The following CFAP299 variants were observed in gnomAD, a reference collection of about 807,000 sequenced individuals.
CFAP299 encodes cilia- and flagella-associated protein 299.
Under a neutral mutation model 27.0 loss-of-function variants are expected in CFAP299, and 21 were observed. That is an observed-to-expected ratio of 0.78 (90% confidence interval 0.55 to 1.12). The LOEUF (loss-of-function observed/expected upper bound fraction) is 1.12. Among genes scored for constraint, CFAP299 ranks in the 50% most tolerant of loss-of-function variants. The pLI is 0.00. For missense variants in CFAP299, 310 were observed against 276.6 expected (o/e 1.12, Z -0.86); for synonymous variants, 104 against 98.1 (o/e 1.06, Z -0.36).
At chr4:80,722,631 T>C (rs938895494) in intron 3 of CFAP299, among the ~76,000 whole-genome samples, 1 of 152,144 alleles carries the variant, frequency 6.6e-6, no homozygotes, top group Non-Finnish European at 1.5e-5. Context: ...CCGGGCGCTG[T>C]GGCTCACGCC....
chr4:80,840,759 A>G (rs1441999770), intron 3 of CFAP299, among the ~76,000 whole-genome samples: 1 of 152,180 alleles, frequency 6.6e-6, no homozygotes, highest in African/African-American at 2.4e-5. Context: ...TATTAAGCAC[A>G]TAAGTTATTC....
intron 2 of CFAP299, among the ~76,000 whole-genome samples, chr4:80,458,697 T>C (rs762744032): frequency 6.6e-6 from 1 of 152,158 alleles, no homozygotes; most frequent in Non-Finnish European, 1.5e-5. Flanking sequence ...ATGTGACATT[T>C]TAAAAATGGG....
chr4:80,501,307 A>AT (rs1731731634), intron 2 of CFAP299, among the ~76,000 whole-genome samples: 1 of 151,444 alleles, frequency 6.6e-6, no homozygotes, highest in Admixed American at 6.6e-5. Context: ...GGTAGACTTA[A>AT]TTTTTTTCAG....
chr4:80,898,589 C>T, intron 4 of CFAP299, among the ~76,000 whole-genome samples: 1 of 151,784 alleles, frequency 6.6e-6, no homozygotes, highest in East Asian at 2.0e-4. Context: ...AGGGTGGGTC[C>T]CTAGCTGGGG....
intron 3 of CFAP299, among the ~76,000 whole-genome samples, chr4:80,820,263 T>G (rs1282170879): frequency 6.6e-6 from 1 of 152,158 alleles, no homozygotes; most frequent in Non-Finnish European, 1.5e-5. Context: ...ATTAATTCAT[T>G]TAATAAATAT....
At chr4:80,866,809 T>G (rs1423449686) in intron 3 of CFAP299, among the ~76,000 whole-genome samples, 1 of 152,126 alleles carries the variant, frequency 6.6e-6, no homozygotes, top group Non-Finnish European at 1.5e-5. Flanking sequence ...TTAATCAGGT[T>G]TCAGGGAAAA....
intron 2 of CFAP299, among the ~76,000 whole-genome samples, chr4:80,384,892 TC>T (rs1009701161): frequency 1.3e-5 from 2 of 152,194 alleles, no homozygotes; most frequent in African/African-American, 4.8e-5. Flanking sequence ...TAAAATGTTT[TC>T]CCTCTTTATA....
At chr4:80,833,267 T>G (rs1004889531) in intron 3 of CFAP299, among the ~76,000 whole-genome samples, 2 of 152,162 alleles carry the variant, frequency 1.3e-5, no homozygotes, top group African/African-American at 4.8e-5. Context: ...GACAATTATA[T>G]TAATGTTTCT....
At chr4:80,593,272 T>C (rs929774862) in intron 3 of CFAP299, among the ~76,000 whole-genome samples, 5 of 152,198 alleles carry the variant, frequency 3.3e-5, no homozygotes, top group East Asian at 3.8e-4. Flanking sequence ...CCTGTTTGAA[T>C]TGGCATGGTG....
intron 2 of CFAP299, among the ~76,000 whole-genome samples, chr4:80,406,673 A>C (rs986632349): frequency 6.6e-6 from 1 of 152,178 alleles, no homozygotes; most frequent in African/African-American, 2.4e-5. Context: ...CCCAGCCCCT[A>C]GTACAAACTT....
At chr4:80,959,012 C>T (rs1250010219) in intron 5 of CFAP299, among the ~76,000 whole-genome samples, 1 of 152,088 alleles carries the variant, frequency 6.6e-6, no homozygotes, top group Non-Finnish European at 1.5e-5. Context: ...TAATAATTTT[C>T]AAATGTGAGC....
chr4:80,915,221 A>T (rs1735684576), intron 4 of CFAP299, among the ~76,000 whole-genome samples: 2 of 151,738 alleles, frequency 1.3e-5, no homozygotes, highest in Admixed American at 1.3e-4. Context: ...TAAAATTTTT[A>T]TTTCAGTTTG....
At chr4:80,452,397 C>T (rs1341557852) in intron 2 of CFAP299, among the ~76,000 whole-genome samples, 1 of 151,932 alleles carries the variant, frequency 6.6e-6, no homozygotes, top group Non-Finnish European at 1.5e-5. Flanking sequence ...CTGGCTACTG[C>T]CATTTCTGAG....
chr4:80,607,265 C>T lies in CFAP299; in HGVS notation c.333+24082C>T, dbSNP rs10029744. Among the ~76,000 whole-genome samples the T allele has an allele frequency of 2.6e-3, 393 of 151,962 alleles. 3 individuals are homozygous for T. The highest frequency in any genetic ancestry group is 9.1e-3 in the African/African-American group (376 of 41,448). On this transcript the variant is annotated intron_variant, in intron 3 of 5. Coordinates refer to ENST00000358105, the MANE Select transcript of CFAP299 (RefSeq NM_152770.3). ...CCTGTGATACCCTAAACTTCTTCATCGCACCTGAAATTTTTCTCGGTATCT... is the reference window on the plus strand; with the variant it reads ...CCTGTGATACCCTAAACTTCTTCATTGCACCTGAAATTTTTCTCGGTATCT...
chr4:80,377,754 G>T (rs903197449), intron 2 of CFAP299, among the ~76,000 whole-genome samples: 1 of 151,880 alleles, frequency 6.6e-6, no homozygotes, highest in Non-Finnish European at 1.5e-5. Context: ...ATTTATTTGG[G>T]TTTTATTTAT....
At chr4:80,682,905 G>T (rs1338113827) in intron 3 of CFAP299, among the ~76,000 whole-genome samples, 1 of 152,054 alleles carries the variant, frequency 6.6e-6, no homozygotes, top group Non-Finnish European at 1.5e-5. Context: ...ATAAAATGAT[G>T]AACAGATTGG....
chr4:80,918,431 C>T (rs1337191142), intron 4 of CFAP299, among the ~76,000 whole-genome samples: 1 of 151,978 alleles, frequency 6.6e-6, no homozygotes, highest in African/African-American at 2.4e-5. Context: ...ACATTTATTC[C>T]AAAATTTTGC....
chr4:80,469,828 T>C lies in CFAP299; in HGVS notation c.242+106944T>C, dbSNP rs200655643. Among the ~76,000 whole-genome samples the C allele has an allele frequency of 2.6e-5, 4 of 152,284 alleles. No individual in the cohort carries two copies. In the East Asian group the frequency reaches 7.7e-4, roughly 29 times the overall value. ...AATATTGTAAGTCTTCTTGTATATT[T>C]ACCTGCTCCTTTCCCTGGTTCTTTT... On this transcript the variant is annotated intron_variant, in intron 2 of 5. Transcript: ENST00000358105.
At position 80,360,957 on chromosome 4, in the gene CFAP299, C is replaced by G. The variant is rs1294706792; in HGVS notation, c.112-1797C>G. Among the ~76,000 whole-genome samples the G allele has an allele frequency of 2.6e-5, 4 of 152,132 alleles. No homozygotes were observed. The East Asian group carries it at 7.7e-4, about 29-fold the overall frequency. The stretch of plus-strand genomic sequence containing the variant: ...ATGCAAGTCAAGATTCCATTTTAAG[C>G]CAAATCCCCCAAGCAAGGCTCAGAT... On this transcript the variant is annotated intron_variant, in intron 1 of 5. Coordinates refer to ENST00000358105, the MANE Select transcript of CFAP299 (RefSeq NM_152770.3).
Sources: gnomAD v4.1 joint callset for allele counts (sites outside exome capture counted in the v4.1 genomes callset) on GRCh38, gnomAD v4.1.1 for gene constraint, MANE v1.5 for transcripts, NCBI Gene and HGNC (gene_info 2026-07-23, HGNC 2026-07-21) for gene names.